PSMF1: variants seen among roughly 807,000 people sequenced by gnomAD.
PSMF1 encodes the protein proteasome inhibitor PI31 subunit.
Under a neutral mutation model 29.3 loss-of-function variants are expected in PSMF1, and 30 were observed. The observed-to-expected ratio is 1.02, with a 90% confidence interval of 0.77 to 1.39. PSMF1 has a LOEUF of 1.39. PSMF1 is among the 40% of genes most tolerant of loss of function. The probability of loss-of-function intolerance (pLI) is 0.00; values close to 1 mark genes in which losing one functional copy is unlikely to be tolerated. For missense variants in PSMF1, 344 were observed against 357.5 expected (o/e 0.96, Z 0.31); for synonymous variants, 134 against 139.7 (o/e 0.96, Z 0.29).
rs755027380 is a variant in PSMF1, at chr20:1,166,261, C to G, written c.*1181C>G. ...TGACAGACGCGGGCAGTGATGAGCC[C>G]TGTTCTGGAGTGGAAAGAGCACGAT... On this transcript the variant is annotated 3_prime_UTR_variant, in exon 7 of 7. Transcript: ENST00000335877. The G allele has an allele frequency of 1.2e-6, 2 of 1,612,218 alleles. No homozygotes were observed. Among genetic ancestry groups the G allele is most frequent in the South Asian group, 2.2e-5 (2 of 90,854 alleles).
rs759466723 is a variant in PSMF1, at chr20:1,163,083, G to T, written c.552-47G>T. On this transcript the variant is annotated intron_variant, in intron 4 of 6. Transcript: ENST00000335877. The surrounding 1 kb of genome is among the most constrained non-coding windows in gnomAD (Gnocchi z 6.1). The stretch of plus-strand genomic sequence containing the variant: ...GTTTGTGATCCCACATGTATCAGGT[G>T]CCTGGCTGCTCTGGGACTTGCAGTA... The T allele has an allele frequency of 1.2e-6, 2 of 1,602,728 alleles. No homozygotes were observed. Among genetic ancestry groups the T allele is most frequent in the Non-Finnish European group, 1.7e-6 (2 of 1,170,700 alleles).
intron 4 of PSMF1, among the ~76,000 whole-genome samples, chr20:1,147,078 G>C (rs1259075309): frequency 6.6e-6 from 1 of 152,054 alleles, no homozygotes; most frequent in Non-Finnish European, 1.5e-5. Context: ...AGCCCAGAGC[G>C]GGTGTTGGGC....
intron 4 of PSMF1, among the ~76,000 whole-genome samples, chr20:1,159,286 C>A (rs1428721435): frequency 6.6e-6 from 1 of 152,022 alleles, no homozygotes; most frequent in Non-Finnish European, 1.5e-5. Flanking sequence ...AGCAATCCTC[C>A]CACCTCGACC....
At chr20:1,157,255 G>C (rs2086605345) in intron 4 of PSMF1, among the ~76,000 whole-genome samples, 1 of 152,004 alleles carries the variant, frequency 6.6e-6, no homozygotes, top group Admixed American at 6.6e-5. Context: ...TCATCTCTTG[G>C]CAACACCCTC....
chr20:1,125,897 A>G (rs770287229), intron 2 of PSMF1: 10 of 651,016 alleles, frequency 1.5e-5, no homozygotes, highest in Middle Eastern at 2.5e-4. Flanking sequence ...AAATAAGGTA[A>G]ATCTATTCAG....
At position 1,166,097 on chromosome 20, in the gene PSMF1, A is replaced by G. The variant is rs537456465; in HGVS notation, c.*1017A>G. 3.3e-6 allele frequency: 5 copies of G among 1,535,152 alleles called. No individual in the cohort carries two copies. In the South Asian group the frequency reaches 4.8e-5, roughly 15 times the overall value. On this transcript the variant is annotated 3_prime_UTR_variant, in exon 7 of 7. Transcript: ENST00000335877. ...CCTAACTCTGTGGTTTTTGGACCCC[A>G]TGGGGCCCAGACAGAGCACAGGAGC...
Position 1,118,628 on chromosome 20 carries a change from G to A in PSMF1, c.-146G>A, listed in dbSNP as rs2086037926. 4 of 978,672 alleles carry A rather than the reference G, an allele frequency of 4.1e-6. No homozygotes were observed. Among genetic ancestry groups the A allele is most frequent in the African/African-American group, 3.3e-5 (2 of 60,390 alleles). 60.6% of individuals were successfully genotyped at this position (978,672 alleles called of 1,614,324 possible). A position where few individuals can be genotyped will look rare whatever the true frequency, so the allele number is the denominator to read the frequency against. ...GCTTCCCCGCCCCGCCCCGTCCCCGGGCGTCTCCATTTTGGTCTCAGGTGT... is the reference window on the plus strand; with the variant it reads ...GCTTCCCCGCCCCGCCCCGTCCCCGAGCGTCTCCATTTTGGTCTCAGGTGT... On this transcript the variant is annotated 5_prime_UTR_variant, in exon 1 of 7. Coordinates refer to ENST00000335877, the MANE Select transcript of PSMF1 (RefSeq NM_006814.5).
At chr20:1,139,329 T>G (rs1241626463) in intron 4 of PSMF1, among the ~76,000 whole-genome samples, 1 of 152,214 alleles carries the variant, frequency 6.6e-6, no homozygotes, top group Admixed American at 6.5e-5. Context: ...AAGGCAAGCA[T>G]GTTTGCTTTT....
In PSMF1 at chr20:1,169,155, A is replaced by G. The variant is rs2086765016; in HGVS notation, c.*4075A>G. 6.6e-6 allele frequency among the ~76,000 whole-genome samples: 1 copy of G among 152,074 alleles called. No homozygotes were observed. The highest frequency in any genetic ancestry group is 2.4e-5 in the African/African-American group (1 of 41,416). On this transcript the variant is annotated 3_prime_UTR_variant, in exon 7 of 7. Transcript: ENST00000335877. Reference sequence around the variant, plus strand: ...TTTACTGCATCTGAACCCCAGGACTAATGCGTCACTGCATTAACCCCAGGA... The same window carrying G: ...TTTACTGCATCTGAACCCCAGGACTGATGCGTCACTGCATTAACCCCAGGA...
rs892636415 is a variant in PSMF1 at position 1,163,214 on chromosome 20, C to A, written c.605+31C>A. On this transcript the variant is annotated intron_variant, in intron 5 of 6. Coordinates refer to ENST00000335877, the MANE Select transcript of PSMF1 (RefSeq NM_006814.5). The surrounding 1 kb of genome is among the most constrained non-coding windows in gnomAD (Gnocchi z 6.1). Reference sequence around the variant, plus strand: ...TACTGCTGGGGAGGTGGCAGCAACACAACTTGCTTTTGTGGCTTTTCAGCC... The same window carrying A: ...TACTGCTGGGGAGGTGGCAGCAACAAAACTTGCTTTTGTGGCTTTTCAGCC... 6.2e-7 allele frequency: 1 copy of A among 1,611,268 alleles called. No individual in the cohort carries two copies. The highest frequency in any genetic ancestry group is 8.5e-7 in the Non-Finnish European group (1 of 1,177,814).
chr20:1,118,674 C>A lies in PSMF1; in HGVS notation c.-100C>A. On this transcript the variant is annotated 5_prime_UTR_variant, in exon 1 of 7. Transcript: ENST00000335877. ...GGTGTGGACTCGGCAAGAACCAGCG[C>A]AAGAGGGAAGCAGAGTTATAGCTAC... 3 of 1,396,046 alleles carry A rather than the reference C, an allele frequency of 2.1e-6. No homozygotes were observed. The highest frequency in any genetic ancestry group is 2.7e-5 in the South Asian group (2 of 73,932). 86.5% of individuals were successfully genotyped at this position (1,396,046 alleles called of 1,614,324 possible).
At chr20:1,150,120 T>G (rs2086508063) in intron 4 of PSMF1, among the ~76,000 whole-genome samples, 1 of 150,322 alleles carries the variant, frequency 6.7e-6, no homozygotes, top group Non-Finnish European at 1.5e-5. Context: ...GTGGAGGTTG[T>G]GGTGAGCCAT....
intron 4 of PSMF1, chr20:1,161,244 CAGG>C: frequency 3.2e-6 from 1 of 315,966 alleles, no homozygotes; most frequent in Non-Finnish European, 6.2e-6. Context: ...GGACTTTGAG[CAGG>C]AGATGGCCAC....
rs1260959022 is a variant in PSMF1, at chr20:1,166,353, A to C, written c.*1273A>C. Reference sequence around the variant, plus strand: ...CTTCCGCTCTGCAGCTAGCATTTCAACCATATGTGGATCCTTTCATTTCTC... The same window carrying C: ...CTTCCGCTCTGCAGCTAGCATTTCACCCATATGTGGATCCTTTCATTTCTC... On this transcript the variant is annotated 3_prime_UTR_variant, in exon 7 of 7. Coordinates refer to ENST00000335877, the MANE Select transcript of PSMF1 (RefSeq NM_006814.5). The C allele has an allele frequency of 1.6e-6, 2 of 1,249,648 alleles. No individual in the cohort carries two copies. The highest frequency in any genetic ancestry group is 3.9e-5 in the Admixed American group (2 of 51,862). 77.4% of individuals were successfully genotyped at this position (1,249,648 alleles called of 1,614,324 possible).
intron 4 of PSMF1, among the ~76,000 whole-genome samples, chr20:1,157,683 G>A (rs536459464): frequency 6.6e-6 from 1 of 152,166 alleles, no homozygotes; most frequent in South Asian, 2.1e-4. Context: ...CGTGGTCGTA[G>A]CTGGTATTGA....
At chr20:1,124,090 G>A (rs532662169) in intron 1 of PSMF1, among the ~76,000 whole-genome samples, 1 of 152,268 alleles carries the variant, frequency 6.6e-6, no homozygotes, top group African/African-American at 2.4e-5. Flanking sequence ...CATGGCAAAT[G>A]TCTCTTCCTA....
chr20:1,142,048 C>G (rs1032527307), intron 4 of PSMF1, among the ~76,000 whole-genome samples: 1 of 152,028 alleles, frequency 6.6e-6, no homozygotes, highest in African/African-American at 2.4e-5. Context: ...ATGGTGAAAC[C>G]CCGTCTCTAC....
chr20:1,147,840 C>T (rs750478465), intron 4 of PSMF1, among the ~76,000 whole-genome samples: 2 of 152,180 alleles, frequency 1.3e-5, no homozygotes, highest in African/African-American at 2.4e-5. Flanking sequence ...TTTCCTTTCT[C>T]CCTGAAATGC....
intron 3 of PSMF1, among the ~76,000 whole-genome samples, chr20:1,133,647 C>T (rs138485452): frequency 1.2e-3 from 174 of 144,442 alleles, no homozygotes; most frequent in African/African-American, 4.0e-3. Context: ...TGGATTGGAA[C>T]GTATTCCCTC....
Sources: gnomAD v4.1 joint callset for allele counts (sites outside exome capture counted in the v4.1 genomes callset) on GRCh38, gnomAD v4.1.1 for gene constraint, Gnocchi (gnomAD v3.1) non-coding constraint, MANE v1.5 for transcripts, NCBI Gene and HGNC (gene_info 2026-07-23, HGNC 2026-07-21) for gene names.